Variants in DOCK2 observed in about 807,000 individuals in gnomAD.
DOCK2 encodes the protein dedicator of cytokinesis protein 2.
DOCK2 carries 87 observed loss-of-function variants against 248.9 expected under a neutral mutation model. The observed-to-expected ratio is 0.35, with a 90% CI of 0.29 to 0.42. DOCK2 has a LOEUF of 0.42. Ranked by LOEUF, DOCK2 falls within the 10% of genes least tolerant of loss-of-function variation. The pLI, the probability that DOCK2 is intolerant of heterozygous loss-of-function variation, is 1.00. For missense variants in DOCK2, 1,747 were observed against 2,300.2 expected, an observed-to-expected ratio of 0.76 and a Z score of 4.92; for synonymous variants, 805 against 821.6, an observed-to-expected ratio of 0.98 and a Z score of 0.35.
chr5:169,884,006 G>A (rs1581354972), intron 27 of DOCK2: 2 of 1,112,416 alleles, frequency 1.8e-6, no homozygotes, highest in East Asian at 5.3e-5. Flanking sequence ...GAGAACTGCT[G>A]GCCAGGATGG....
chr5:170,036,479 A>G (rs370896445), intron 35 of DOCK2, 36 bp from the exon 36 acceptor site: 107 of 1,608,074 alleles, frequency 6.7e-5, no homozygotes, highest in Non-Finnish European at 8.8e-5. Flanking sequence ...TATTGCAGAG[A>G]ACAACACTCA....
intron 27 of DOCK2, among the ~76,000 whole-genome samples, chr5:169,938,635 G>C (rs1017503450): frequency 6.6e-6 from 1 of 152,194 alleles, no homozygotes; most frequent in African/African-American, 2.4e-5. Flanking sequence ...AGTAAGTGGT[G>C]AGTAAATGTG....
At chr5:170,036,912 A>G (rs1756343019) in intron 36 of DOCK2, among the ~76,000 whole-genome samples, 1 of 152,182 alleles carries the variant, frequency 6.6e-6, no homozygotes, top group South Asian at 2.1e-4. Context: ...ATGTAGTAAG[A>G]CCATTGACTA....
intron 27 of DOCK2, among the ~76,000 whole-genome samples, chr5:169,964,461 G>A (rs763345067): frequency 5.9e-5 from 9 of 152,364 alleles, no homozygotes; most frequent in African/African-American, 7.2e-5. Flanking sequence ...GCAGCTAGAC[G>A]CAGTGAACTG....
chr5:169,837,639 C>A (rs1013199946), intron 26 of DOCK2, among the ~76,000 whole-genome samples: 4 of 152,212 alleles, frequency 2.6e-5, no homozygotes, highest in African/African-American at 9.6e-5. Flanking sequence ...ATTCCTCAAA[C>A]CAGTAACTTT....
chr5:169,974,229 G>A (rs1475347180), intron 27 of DOCK2, among the ~76,000 whole-genome samples: 5 of 152,178 alleles, frequency 3.3e-5, no homozygotes, highest in Non-Finnish European at 7.3e-5. Context: ...TCTACTGAAA[G>A]TTTGGAGGAT....
rs552648342 is a variant in DOCK2, at chr5:169,764,454, T to A, written c.2554+2829T>A. ...TTCCTGGTTCAGCTTTTTACATGACTGTGTGACTATGGGTAATTTTCTAAA... is the reference window on the plus strand; with the variant it reads ...TTCCTGGTTCAGCTTTTTACATGACAGTGTGACTATGGGTAATTTTCTAAA... On this transcript the variant is annotated intron_variant, in intron 25 of 51. Transcript: ENST00000520908. This position sits in a 1 kb window ranked among gnomAD's most constrained non-coding sequence, Gnocchi z 4.3. Among the ~76,000 whole-genome samples, 27 of 152,304 alleles carry A rather than the reference T, an allele frequency of 1.8e-4. No individual in the cohort carries two copies. The highest frequency in any genetic ancestry group is 6.3e-4 in the African/African-American group (26 of 41,570).
At chr5:169,875,243 C>T (rs758819877) in intron 27 of DOCK2, 1 of 456,686 alleles carries the variant, frequency 2.2e-6, no homozygotes, top group Non-Finnish European at 4.4e-6. Context: ...GCTGCAACTG[C>T]GGATTCCCAT....
At chr5:169,767,357 T>C (rs1039406040) in intron 25 of DOCK2, among the ~76,000 whole-genome samples, 1 of 152,234 alleles carries the variant, frequency 6.6e-6, no homozygotes, top group Non-Finnish European at 1.5e-5. Flanking sequence ...ACTCTGTTGA[T>C]AGTTGCTTTT....
intron 41 of DOCK2, among the ~76,000 whole-genome samples, chr5:170,053,319 G>A (rs1443157361): frequency 6.6e-6 from 1 of 152,230 alleles, no homozygotes; most frequent in African/African-American, 2.4e-5. Flanking sequence ...CAGTATTTGA[G>A]TCTTTGTGGC....
chr5:169,970,087 G>T (rs1205887149), intron 27 of DOCK2, among the ~76,000 whole-genome samples: 1 of 152,198 alleles, frequency 6.6e-6, no homozygotes, highest in African/African-American at 2.4e-5. Context: ...CCCTGTTACT[G>T]CCCTGAGGCC....
At chr5:170,070,796 A>G (rs10462995) in intron 46 of DOCK2, among the ~76,000 whole-genome samples, 86,151 of 152,050 alleles carry the variant, frequency 0.57, 26,100 homozygotes, top group African/African-American at 0.79. Context: ...TGCTGTGTTT[A>G]CTGTACCCAA....
intron 26 of DOCK2, among the ~76,000 whole-genome samples, chr5:169,817,256 A>AT (rs1768120974): frequency 6.6e-6 from 1 of 152,212 alleles, no homozygotes; most frequent in Non-Finnish European, 1.5e-5. Context: ...GCAGCTTGAC[A>AT]TTTGCTCTTG....
chr5:169,855,101 T>G (rs1008707277), intron 27 of DOCK2, among the ~76,000 whole-genome samples: 45 of 152,230 alleles, frequency 3.0e-4, no homozygotes, highest in African/African-American at 1.1e-3. Context: ...ACAGATTACT[T>G]ATCTCCCCCT....
In DOCK2 at chr5:169,637,283, C is replaced by A. The variant is rs760403933; in HGVS notation, c.-44C>A. ...GGGGCCCTGCGGCGCCCAGCCACCC[C>A]CTGACGGCTTCCCCACGGGAGGACG... On this transcript the variant is annotated 5_prime_UTR_variant, in exon 1 of 52. Transcript: ENST00000520908. 7 of 1,436,802 alleles carry A rather than the reference C, an allele frequency of 4.9e-6. No individual in the cohort carries two copies. Among genetic ancestry groups the A allele is most frequent in the East Asian group, 3.0e-5 (1 of 33,272 alleles). 89.0% of individuals were successfully genotyped at this position (1,436,802 alleles called of 1,614,324 possible).
rs935310608 is a variant in DOCK2, at chr5:169,928,059, A to T, written c.2800-55009A>T. Among the ~76,000 whole-genome samples the T allele has an allele frequency of 2.6e-5, 4 of 152,164 alleles. No homozygotes were observed. The East Asian group carries it at 7.7e-4, about 29-fold the overall frequency. On this transcript the variant is annotated intron_variant, in intron 27 of 51. Coordinates refer to ENST00000520908, the MANE Select transcript of DOCK2 (RefSeq NM_004946.3). ...TTAAACAGGTGGTAGAGAGGGTACA[A>T]ATATCAGGGAGAAAGTCCACAGAAG...
intron 27 of DOCK2, chr5:169,882,979 C>G: frequency 6.4e-7 from 1 of 1,551,480 alleles, no homozygotes; most frequent in Non-Finnish European, 8.7e-7. Flanking sequence ...ACTGTGAGTC[C>G]GTGGAGATGA....
chr5:169,968,753 A>T (rs1777391169), intron 27 of DOCK2, among the ~76,000 whole-genome samples: 1 of 152,216 alleles, frequency 6.6e-6, no homozygotes, highest in South Asian at 2.1e-4. Flanking sequence ...TGCTGTGTTA[A>T]TGGTGATGAG....
intron 25 of DOCK2, among the ~76,000 whole-genome samples, chr5:169,795,969 A>T (rs890728996): frequency 2.0e-5 from 3 of 152,254 alleles, no homozygotes; most frequent in Non-Finnish European, 2.9e-5. Flanking sequence ...CCAAAGCCGA[A>T]TGAATTTCAC....
Sources: gnomAD v4.1 joint callset for allele counts (sites outside exome capture counted in the v4.1 genomes callset) on GRCh38, gnomAD v4.1.1 for gene constraint, Gnocchi (gnomAD v3.1) non-coding constraint, MANE v1.5 for transcripts, NCBI Gene and HGNC (gene_info 2026-07-23, HGNC 2026-07-21) for gene names.